The following CHST11 variants were observed in gnomAD, a reference collection of about 807,000 sequenced individuals.
CHST11 encodes C4S-1.
Under a neutral mutation model 30.4 loss-of-function variants are expected in CHST11, and 9 were observed. The ratio of observed to expected loss-of-function variants is 0.30; its 90% CI spans 0.18 to 0.52. The LOEUF is 0.52. Among genes scored for constraint, CHST11 ranks in the 20% least tolerant of loss-of-function variants. The probability of loss-of-function intolerance (pLI) is 0.97; values close to 1 mark genes in which losing one functional copy is unlikely to be tolerated. For missense variants in CHST11, 348 were observed against 460.6 expected, an observed-to-expected ratio of 0.76 and a Z score of 2.24; for synonymous variants, 152 against 187.8, an observed-to-expected ratio of 0.81 and a Z score of 1.56.
intron 1 of CHST11, among the ~76,000 whole-genome samples, chr12:104,580,903 A>G (rs1053598357): frequency 6.6e-6 from 1 of 152,100 alleles, no homozygotes; most frequent in African/African-American, 2.4e-5. Flanking sequence ...GGGTTTTCAT[A>G]TTTCTTATAA....
In CHST11 at chr12:104,760,915, A is replaced by C. The variant is rs1449379902; in HGVS notation, c.*3112A>C. On this transcript the variant is annotated 3_prime_UTR_variant, in exon 3 of 3. Coordinates refer to ENST00000303694, the MANE Select transcript of CHST11 (RefSeq NM_018413.6). The stretch of plus-strand genomic sequence containing the variant: ...TGAAAGTTTGTGTTTTTTAAAGAGG[A>C]ATATTTGAAACTGCTTTCTATGCAT... The C allele has an allele frequency of 6.6e-6, 1 of 152,146 alleles. No homozygotes were observed. The highest frequency in any genetic ancestry group is 1.5e-5 in the Non-Finnish European group (1 of 68,028). The allele number at this position is 152,146 out of a possible 1,614,324, so 9.4% of individuals were successfully genotyped here.
intron 1 of CHST11, among the ~76,000 whole-genome samples, chr12:104,466,806 A>G (rs2037464343): frequency 6.6e-6 from 1 of 152,228 alleles, no homozygotes; most frequent in Non-Finnish European, 1.5e-5. Context: ...CTACATATCT[A>G]GGATAGGATC....
At chr12:104,625,615 T>C (rs143493821) in intron 2 of CHST11, among the ~76,000 whole-genome samples, 61 of 152,306 alleles carry the variant, frequency 4.0e-4, no homozygotes, top group African/African-American at 1.4e-3. Flanking sequence ...GGCCATCCTT[T>C]TTCTTTCCAC....
intron 1 of CHST11, among the ~76,000 whole-genome samples, chr12:104,459,905 A>G (rs780553766): frequency 2.0e-5 from 3 of 152,246 alleles, no homozygotes; most frequent in Non-Finnish European, 4.4e-5. Context: ...AATTACAGAT[A>G]GTTCAGTTGA....
At chr12:104,483,284 C>A (rs1720446944) in intron 1 of CHST11, among the ~76,000 whole-genome samples, 1 of 152,188 alleles carries the variant, frequency 6.6e-6, no homozygotes, top group African/African-American at 2.4e-5. Flanking sequence ...CAGCTCACTG[C>A]AACCTCTGCT....
intron 1 of CHST11, among the ~76,000 whole-genome samples, chr12:104,584,497 TC>T (rs895759176): frequency 2.0e-5 from 3 of 152,046 alleles, no homozygotes; most frequent in African/African-American, 7.2e-5. Flanking sequence ...CCTCAGCTGA[TC>T]CCCCTTCCTC....
chr12:104,539,944 G>A (rs534044627), intron 1 of CHST11, among the ~76,000 whole-genome samples: 16 of 152,202 alleles, frequency 1.1e-4, no homozygotes, highest in African/African-American at 3.9e-4. Context: ...AAAGTGCTGG[G>A]ATTACAAGTG....
chr12:104,606,180 G>GGA lies in CHST11; in HGVS notation c.204+4190_204+4191insAG, dbSNP rs1555235930. 2.4e-3 allele frequency among the ~76,000 whole-genome samples: 323 copies of GGA among 135,608 alleles called. 2 individuals are homozygous for GGA. The highest frequency in any genetic ancestry group is 8.0e-3 in the African/African-American group (303 of 37,734). 89.0% of individuals were successfully genotyped at this position (135,608 alleles called of 152,430 possible). On this transcript the variant is annotated intron_variant, in intron 2 of 2. Transcript: ENST00000303694. ...GAACTCTCTGGGGCGGGGGGCGGGGGGGGGAATGGCTCCAGGAAAACTGAG... is the reference window on the plus strand; with the variant it reads ...GAACTCTCTGGGGCGGGGGGCGGGGGGAGGGGAATGGCTCCAGGAAAACTGAG...
In CHST11 at chr12:104,474,557, G is replaced by T. The variant is rs117987122; in HGVS notation, c.118+17028G>T. Among the ~76,000 whole-genome samples the T allele has an allele frequency of 3.0e-4, 46 of 152,292 alleles. No homozygotes were observed. In the East Asian group the frequency reaches 6.7e-3, roughly 22 times the overall value. ...ATGAGATTTTTAAAAATAAATCCAG[G>T]GCTGATAGTAAGTGCCTTCCTGCAA... is the stretch of plus-strand genomic sequence containing the variant. On this transcript the variant is annotated intron_variant, in intron 1 of 2. Coordinates refer to ENST00000303694, the MANE Select transcript of CHST11 (RefSeq NM_018413.6).
chr12:104,710,196 T>C (rs934286419), intron 2 of CHST11, among the ~76,000 whole-genome samples: 9 of 139,770 alleles, frequency 6.4e-5, no homozygotes, highest in African/African-American at 2.5e-4. Flanking sequence ...CAAGACCCTG[T>C]CTCAAACAAA....
At chr12:104,470,090 T>A (rs947777953) in intron 1 of CHST11, among the ~76,000 whole-genome samples, 3 of 152,184 alleles carry the variant, frequency 2.0e-5, no homozygotes, top group Non-Finnish European at 1.5e-5. Flanking sequence ...CTACTGGCAT[T>A]TAGTGAGTGG....
At chr12:104,526,270 T>C (rs1345578467) in intron 1 of CHST11, among the ~76,000 whole-genome samples, 1 of 152,088 alleles carries the variant, frequency 6.6e-6, no homozygotes, top group Non-Finnish European at 1.5e-5. Flanking sequence ...TCTCTTGGTG[T>C]TTTTGTTCCA....
intron 2 of CHST11, among the ~76,000 whole-genome samples, chr12:104,716,529 A>C (rs1336419626): frequency 6.6e-6 from 1 of 152,266 alleles, no homozygotes; most frequent in African/African-American, 2.4e-5. Context: ...TCTCGCATCC[A>C]TACCTGTCGT....
intron 2 of CHST11, among the ~76,000 whole-genome samples, chr12:104,695,033 G>A (rs1309115740): frequency 6.6e-6 from 1 of 152,130 alleles, no homozygotes; most frequent in East Asian, 1.9e-4. Flanking sequence ...GTTGAGAAAT[G>A]GAGCCACAGG....
intron 2 of CHST11, among the ~76,000 whole-genome samples, chr12:104,658,351 T>C (rs1461490912): frequency 6.6e-6 from 1 of 152,234 alleles, no homozygotes; most frequent in Non-Finnish European, 1.5e-5. Context: ...CACCTTCATG[T>C]TCACACAGCA....
chr12:104,619,872 C>G (rs1187253513), intron 2 of CHST11, among the ~76,000 whole-genome samples: 1 of 152,180 alleles, frequency 6.6e-6, no homozygotes, highest in Non-Finnish European at 1.5e-5. Context: ...TTTTCAAGAG[C>G]AACTCAAAAG....
chr12:104,521,566 G>A (rs1054782934), intron 1 of CHST11, among the ~76,000 whole-genome samples: 1 of 152,186 alleles, frequency 6.6e-6, no homozygotes, highest in African/African-American at 2.4e-5. Flanking sequence ...TAGCTCTCCT[G>A]ACGCTTAGCT....
intron 2 of CHST11, among the ~76,000 whole-genome samples, chr12:104,668,439 G>T (rs542561362): frequency 6.6e-6 from 1 of 152,124 alleles, no homozygotes; most frequent in Non-Finnish European, 1.5e-5. Flanking sequence ...AACACACTGC[G>T]TTGGGACGTC....
At chr12:104,500,807 G>C (rs1254018485) in intron 1 of CHST11, among the ~76,000 whole-genome samples, 1 of 152,202 alleles carries the variant, frequency 6.6e-6, no homozygotes. Flanking sequence ...ATCTGATTCT[G>C]TGAAAGAAAT....
Sources: gnomAD v4.1 joint callset for allele counts (sites outside exome capture counted in the v4.1 genomes callset) on GRCh38, gnomAD v4.1.1 for gene constraint, MANE v1.5 for transcripts, NCBI Gene and HGNC (gene_info 2026-07-23, HGNC 2026-07-21) for gene names.